The following SMTNL2 variants were observed in gnomAD, a reference collection of about 807,000 sequenced individuals.
SMTNL2 encodes smoothelin like 2, also known as smoothelin-like protein 2.
SMTNL2 carries 43 observed loss-of-function variants against 44.1 expected under a neutral mutation model. That is an observed-to-expected ratio of 0.98 (90% CI 0.76 to 1.26). SMTNL2 has a LOEUF of 1.26. Ranked by LOEUF, SMTNL2 falls within the 50% of genes most tolerant of loss-of-function variation. The pLI is 0.00. For missense variants in SMTNL2, 646 were observed against 670.2 expected (o/e 0.96, Z 0.40); for synonymous variants, 317 against 287.6 (o/e 1.10, Z -1.03).
Position 4,584,733 on chromosome 17 carries a change from A to G in SMTNL2, c.128A>G (p.Glu43Gly). ...ATGCGGGGGCTGCAGCGCGGCGTGGAGCGGCGAGTGGCAGAGGCGATGCGC... is the reference window on the plus strand; with the variant it reads ...ATGCGGGGGCTGCAGCGCGGCGTGGGGCGGCGAGTGGCAGAGGCGATGCGC... ...EDMRGLQRGV[E>G]RRVAEAMRLA... Residue 43 changes from glutamate to glycine, a missense_variant, in exon 1 of 8, where the codon GAG becomes GGG. Transcript: ENST00000389313. The G allele has an allele frequency of 7.7e-7, 1 of 1,306,360 alleles. No homozygotes were observed. The allele number at this position is 1,306,360 out of a possible 1,614,324, so 80.9% of individuals were successfully genotyped here.
At chr17:4,599,965 G>A (rs1395431752) in intron 7 of SMTNL2, among the ~76,000 whole-genome samples, 2 of 152,192 alleles carry the variant, frequency 1.3e-5, no homozygotes, top group African/African-American at 2.4e-5. Flanking sequence ...GGATGGGTCT[G>A]ATGAAGCCGC....
At chr17:4,599,849 T>A (rs1260468364) in intron 7 of SMTNL2, among the ~76,000 whole-genome samples, 1 of 152,222 alleles carries the variant, frequency 6.6e-6, no homozygotes, top group African/African-American at 2.4e-5. Flanking sequence ...CGGCGGAGGC[T>A]GGTCCAGGTT....
chr17:4,592,278 A>C lies in SMTNL2; in HGVS notation c.400-83A>C. On this transcript the variant is annotated intron_variant, in intron 1 of 7. Transcript: ENST00000389313. The surrounding 1 kb of genome is among the most constrained non-coding windows in gnomAD (Gnocchi z 4.5). ...ATGATTGGTGTTTTGCCAGAACGGG[A>C]GGGGATTTGGGGGTGGGCAGCTTTT... 1.1e-6 allele frequency: 1 copy of C among 904,042 alleles called. No individual in the cohort carries two copies. The highest frequency in any genetic ancestry group is 1.4e-6 in the Non-Finnish European group (1 of 696,466). The allele number at this position is 904,042 out of a possible 1,614,324, so 56.0% of individuals were successfully genotyped here. A position where few individuals can be genotyped will look rare whatever the true frequency, so the allele number is the denominator to read the frequency against.
chr17:4,599,819 G>A (rs1909954322), intron 7 of SMTNL2, among the ~76,000 whole-genome samples: 1 of 152,244 alleles, frequency 6.6e-6, no homozygotes. Context: ...TCCCAGCTTG[G>A]TGGGGTGATG....
At chr17:4,594,058 G>C (rs1909700228) in intron 4 of SMTNL2, among the ~76,000 whole-genome samples, 161 bp downstream of exon 4, 1 of 152,138 alleles carries the variant, frequency 6.6e-6, no homozygotes, top group Non-Finnish European at 1.5e-5. Context: ...GAAGGTCTGA[G>C]CAGGGGGAGT....
In SMTNL2 at chr17:4,607,219, C is replaced by G; in HGVS notation, c.1260-142C>G. ...ACTCCAAGGGTTCTGCCAGGGTTAT[C>G]TGAATTCCCCGCTGGTGGGTCCTTG... On this transcript the variant is annotated intron_variant, in intron 7 of 7. Coordinates refer to ENST00000389313, the MANE Select transcript of SMTNL2 (RefSeq NM_001114974.2). This position sits in a 1 kb window ranked among gnomAD's most constrained non-coding sequence, Gnocchi z 4.7. 7.5e-7 allele frequency: 1 copy of G among 1,330,506 alleles called. No individual in the cohort carries two copies. The allele number at this position is 1,330,506 out of a possible 1,614,324, so 82.4% of individuals were successfully genotyped here.
chr17:4,601,397 AGAGT>A, intron 7 of SMTNL2, among the ~76,000 whole-genome samples: 1 of 132,300 alleles, frequency 7.6e-6, no homozygotes, highest in Admixed American at 7.9e-5. Context: ...CCTGGGCAAC[AGAGT>A]GAGACCTCAT....
chr17:4,587,582 C>G (rs1909393801), intron 1 of SMTNL2, among the ~76,000 whole-genome samples: 1 of 152,180 alleles, frequency 6.6e-6, no homozygotes, highest in Non-Finnish European at 1.5e-5. Context: ...ACCTCTCAGA[C>G]TTTGTGTCTG....
chr17:4,597,010 G>A (rs1018307884), intron 6 of SMTNL2, 33 bp downstream of exon 6: 12 of 1,476,152 alleles, frequency 8.1e-6, no homozygotes, highest in East Asian at 5.0e-5. Context: ...CTGCTGGGAC[G>A]CCCCAGCTAA....
chr17:4,585,058 G>C (rs553801698), intron 1 of SMTNL2, 54 bp downstream of exon 1: 23 of 1,286,998 alleles, frequency 1.8e-5, no homozygotes, highest in Non-Finnish European at 2.2e-5. Context: ...TCCGAACCGG[G>C]TGCCGCCCCT....
At chr17:4,599,839 CG>C (rs986574349) in intron 7 of SMTNL2, among the ~76,000 whole-genome samples, 1 of 152,182 alleles carries the variant, frequency 6.6e-6, no homozygotes, top group African/African-American at 2.4e-5. Context: ...GGGGAGGCAG[CG>C]GCGGAGGCTG....
At chr17:4,591,175 C>T (rs1909556089) in intron 1 of SMTNL2, among the ~76,000 whole-genome samples, 1 of 152,248 alleles carries the variant, frequency 6.6e-6, no homozygotes, top group Non-Finnish European at 1.5e-5. Context: ...CCTGGCTCCC[C>T]TCCCAGACTG....
chr17:4,593,229 G>GGC, intron 3 of SMTNL2, 58 bp downstream of exon 3: 1 of 1,522,090 alleles, frequency 6.6e-7, no homozygotes, highest in South Asian at 1.3e-5. Context: ...GGAGAGGGAA[G>GGC]GCCGGGGCTG....
rs542331093 is a variant in SMTNL2 at position 4,607,792 on chromosome 17, C to T, written c.*305C>T. Reference sequence around the variant, plus strand: ...AAAGAAATGCTTGTGTTTATAGCTTCCAGAATGCTAATCTACAATTTTCCC... The same window carrying T: ...AAAGAAATGCTTGTGTTTATAGCTTTCAGAATGCTAATCTACAATTTTCCC... On this transcript the variant is annotated 3_prime_UTR_variant, in exon 8 of 8. Coordinates refer to ENST00000389313, the MANE Select transcript of SMTNL2 (RefSeq NM_001114974.2). This position sits in a 1 kb window ranked among gnomAD's most constrained non-coding sequence, Gnocchi z 4.7. 1 of 260,962 alleles carries T rather than the reference C, an allele frequency of 3.8e-6. No homozygotes were observed. Among genetic ancestry groups the T allele is most frequent in the African/African-American group, 2.2e-5 (1 of 45,218 alleles). 16.2% of individuals were successfully genotyped at this position (260,962 alleles called of 1,614,324 possible).
chr17:4,592,516 T>A lies in SMTNL2; in HGVS notation c.487+68T>A, dbSNP rs1462257472. On this transcript the variant is annotated intron_variant, in intron 2 of 7. Coordinates refer to ENST00000389313, the MANE Select transcript of SMTNL2 (RefSeq NM_001114974.2). The surrounding 1 kb of genome is among the most constrained non-coding windows in gnomAD (Gnocchi z 4.5). Reference sequence around the variant, plus strand: ...GGTTAAGTAAGGCCTTGGTCAGGTATCTGTGCCAGGCTGGCCCTTGGCCTG... The same window carrying A: ...GGTTAAGTAAGGCCTTGGTCAGGTAACTGTGCCAGGCTGGCCCTTGGCCTG... 1 of 1,476,282 alleles carries A rather than the reference T, an allele frequency of 6.8e-7. No homozygotes were observed. Among genetic ancestry groups the A allele is most frequent in the African/African-American group, 1.4e-5 (1 of 71,942 alleles). The allele number at this position is 1,476,282 out of a possible 1,614,324, so 91.4% of individuals were successfully genotyped here.
chr17:4,588,081 C>T (rs1053220330), intron 1 of SMTNL2, among the ~76,000 whole-genome samples: 4 of 152,210 alleles, frequency 2.6e-5, no homozygotes, highest in African/African-American at 7.2e-5. Context: ...ACACACTGTG[C>T]GATAAGAGAG....
chr17:4,593,718 G>A, intron 3 of SMTNL2, 104 bp from the exon 4 acceptor site: 1 of 1,165,274 alleles, frequency 8.6e-7, no homozygotes. Flanking sequence ...CATCCATGCA[G>A]CGATGCCGGG....
chr17:4,601,632 T>G (rs868709137), intron 7 of SMTNL2, among the ~76,000 whole-genome samples: 4 of 151,686 alleles, frequency 2.6e-5, no homozygotes, highest in Non-Finnish European at 5.9e-5. Flanking sequence ...CAAGTGATCC[T>G]CCTGCCTCGG....
At chr17:4,597,978 C>T (rs773768672) in intron 7 of SMTNL2, among the ~76,000 whole-genome samples, 8 of 152,130 alleles carry the variant, frequency 5.3e-5, no homozygotes, top group East Asian at 3.9e-4. Context: ...CAGCGGCGGA[C>T]GGGGGCACAG....
Sources: gnomAD v4.1 joint callset for allele counts (sites outside exome capture counted in the v4.1 genomes callset) on GRCh38, gnomAD v4.1.1 for gene constraint, Gnocchi (gnomAD v3.1) non-coding constraint, MANE v1.5 for transcripts, NCBI Gene and HGNC (gene_info 2026-07-23, HGNC 2026-07-21) for gene names.